Variants in WDR27 observed in about 807,000 individuals in gnomAD.
WDR27 encodes WD repeat-containing protein 27.
WDR27 carries 100 observed loss-of-function variants against 114.4 expected under a neutral mutation model. The observed-to-expected ratio is 0.87, with a 90% CI of 0.74 to 1.03. WDR27 has a LOEUF of 1.03. Ranked by LOEUF, WDR27 falls within the 50% of genes least tolerant of loss-of-function variation. WDR27 has a pLI of 0.00. For missense variants in WDR27, 1,129 were observed against 1,092.9 expected, an observed-to-expected ratio of 1.03 and a Z score of -0.47; for synonymous variants, 449 against 423.1, an observed-to-expected ratio of 1.06 and a Z score of -0.75.
chr6:169,664,072 C>T, intron 8 of WDR27, 94 bp downstream of exon 8: 1 of 1,197,412 alleles, frequency 8.4e-7, no homozygotes, highest in Non-Finnish European at 1.1e-6. Context: ...ATTGGGATCT[C>T]TCTCTCCCCT....
In WDR27 at chr6:169,664,298, A is replaced by C. The variant is rs758754323; in HGVS notation, c.784-12T>G. On this transcript the variant is annotated splice_polypyrimidine_tract_variant and intron_variant, in intron 7 of 25. Coordinates refer to ENST00000448612, the MANE Select transcript of WDR27 (RefSeq NM_182552.5). ...CTGAAGATCCAAAGCTACAAAAGCA[A>C]AGAAGATGCAGACATGGCGCTGCAG... The C allele has an allele frequency of 9.3e-6, 15 of 1,613,646 alleles. No homozygotes were observed. In the Admixed American group the frequency reaches 1.5e-4, roughly 16 times the overall value.
intron 14 of WDR27, 69 bp downstream of exon 14, chr6:169,651,861 A>G: frequency 1.4e-6 from 2 of 1,384,016 alleles, no homozygotes; most frequent in Middle Eastern, 1.8e-4. Context: ...GTGTGTCCCT[A>G]TTTGTGTTAA....
At chr6:169,561,863 A>T (rs1799720413) in intron 25 of WDR27, among the ~76,000 whole-genome samples, 1 of 152,226 alleles carries the variant, frequency 6.6e-6, no homozygotes, top group African/African-American at 2.4e-5. Context: ...TAAACAAATA[A>T]TTTTAAAAGA....
chr6:169,468,101 C>A (rs898074809), intron 25 of WDR27, among the ~76,000 whole-genome samples: 1 of 152,198 alleles, frequency 6.6e-6, no homozygotes, highest in Non-Finnish European at 1.5e-5. Flanking sequence ...TACAGTGTAA[C>A]AAGAGGGACC....
chr6:169,476,469 T>C (rs1369623012), intron 25 of WDR27, among the ~76,000 whole-genome samples: 2 of 152,228 alleles, frequency 1.3e-5, no homozygotes, highest in Non-Finnish European at 2.9e-5. Flanking sequence ...CTTTGTTTGA[T>C]CACCAATAAA....
intron 2 of WDR27, among the ~76,000 whole-genome samples, chr6:169,680,351 G>A (rs1475514959): frequency 6.6e-6 from 1 of 152,212 alleles, no homozygotes; most frequent in Non-Finnish European, 1.5e-5. Flanking sequence ...GGGAGGCCGA[G>A]GCAGGTGTAT....
chr6:169,506,004 T>G (rs928369925), intron 25 of WDR27, among the ~76,000 whole-genome samples: 1 of 152,216 alleles, frequency 6.6e-6, no homozygotes, highest in Non-Finnish European at 1.5e-5. Context: ...CCCCCTAAAC[T>G]TTTAAACTCA....
At chr6:169,557,042 C>A in intron 25 of WDR27, among the ~76,000 whole-genome samples, 1 of 152,152 alleles carries the variant, frequency 6.6e-6, no homozygotes, top group East Asian at 1.9e-4. Context: ...CAACTGCACT[C>A]GTGTCTCTCG....
chr6:169,430,970 G>A, the WDR27 span, among the ~76,000 whole-genome samples: 1 of 152,132 alleles, frequency 6.6e-6, no homozygotes, highest in Non-Finnish European at 1.5e-5. Flanking sequence ...GAGACCGGGG[G>A]TGGGAGCACT....
intron 17 of WDR27, 103 bp from the exon 18 acceptor site, chr6:169,638,763 T>A: frequency 7.0e-7 from 1 of 1,432,946 alleles, no homozygotes; most frequent in South Asian, 1.3e-5. Context: ...TGGAACAGCA[T>A]TTTTCAAGTA....
chr6:169,610,409 A>G (rs955537729), intron 22 of WDR27, among the ~76,000 whole-genome samples: 24 of 152,236 alleles, frequency 1.6e-4, no homozygotes, highest in African/African-American at 5.8e-4. Flanking sequence ...GAAGGCAAGG[A>G]GGAGCAAGCC....
chr6:169,634,401 C>A, intron 20 of WDR27, 27 bp downstream of exon 20: 1 of 1,564,428 alleles, frequency 6.4e-7, no homozygotes, highest in Non-Finnish European at 8.8e-7. Context: ...GGCGTAAAAC[C>A]CTACCAGGAT....
rs1435284008 is a variant in WDR27 at position 169,660,645 on chromosome 6, T to A, written c.1129+18A>T. 2 of 1,599,126 alleles carry A rather than the reference T, an allele frequency of 1.3e-6. No individual in the cohort carries two copies. Among genetic ancestry groups the A allele is most frequent in the African/African-American group, 2.7e-5 (2 of 74,620 alleles). Reference sequence around the variant, plus strand: ...GGAAAACATTACAGTTACATGGCGTTGAAATCAAAGATCTTACCCTTGTAA... The same window carrying A: ...GGAAAACATTACAGTTACATGGCGTAGAAATCAAAGATCTTACCCTTGTAA... On this transcript the variant is annotated intron_variant, in intron 10 of 25. Transcript: ENST00000448612.
chr6:169,475,940 G>A (rs1787086098), intron 25 of WDR27, among the ~76,000 whole-genome samples: 2 of 152,138 alleles, frequency 1.3e-5, no homozygotes, highest in Admixed American at 1.3e-4. Context: ...TTTTGATAGA[G>A]ATTGCAGTGC....
intron 25 of WDR27, among the ~76,000 whole-genome samples, chr6:169,525,161 A>G (rs1023352646): frequency 2.0e-5 from 3 of 152,244 alleles, no homozygotes; most frequent in African/African-American, 4.8e-5. Context: ...GCTAATAGGT[A>G]TATGAAAAAA....
chr6:169,624,029 C>T (rs1814032142), intron 21 of WDR27, among the ~76,000 whole-genome samples: 1 of 152,120 alleles, frequency 6.6e-6, no homozygotes, highest in African/African-American at 2.4e-5. Flanking sequence ...GCCCTGGAGA[C>T]ACCACATGCC....
intron 25 of WDR27, among the ~76,000 whole-genome samples, chr6:169,458,006 A>AGGAGGAGGAGGAGGAGGT (rs869143503): frequency 8.3e-4 from 116 of 139,884 alleles, no homozygotes; most frequent in African/African-American, 2.4e-3. Flanking sequence ...GAGGAGGAGG[A>AGGAGGAGGAGGAGGAGGT]GGTGGTGGTG....
chr6:169,639,727 G>A (rs1409409946), intron 17 of WDR27, among the ~76,000 whole-genome samples: 1 of 152,150 alleles, frequency 6.6e-6, no homozygotes, highest in Admixed American at 6.5e-5. Context: ...CCTACTCCCA[G>A]CCTAACCCTG....
At chr6:169,570,852 T>C (rs1801296479) in intron 25 of WDR27, among the ~76,000 whole-genome samples, 1 of 152,048 alleles carries the variant, frequency 6.6e-6, no homozygotes, top group African/African-American at 2.4e-5. Flanking sequence ...AAAAGCTCTA[T>C]TTAGGAAATC....
Sources: allele counts gnomAD v4.1 joint callset (sites outside exome capture counted in the v4.1 genomes callset), GRCh38; gene constraint gnomAD v4.1.1; transcripts MANE v1.5; gene names NCBI Gene and HGNC (gene_info 2026-07-23, HGNC 2026-07-21).